AAK1: variants seen among roughly 807,000 people sequenced by gnomAD.
AAK1 encodes AP2-associated protein kinase 1.
In AAK1, 37 loss-of-function variants were observed where a neutral mutation model predicts 116.0. That is an observed-to-expected ratio of 0.32 (90% CI 0.25 to 0.42). The LOEUF is 0.42. Among genes scored for constraint, AAK1 ranks in the 10% least tolerant of loss-of-function variants. The pLI is 1.00. For synonymous variants in AAK1, 458 were observed against 439.9 expected (o/e 1.04, Z -0.51); for missense variants, 919 against 1,170.6 (o/e 0.79, Z 3.14).
At chr2:69,601,541 T>C (rs1240393501) in intron 2 of AAK1, among the ~76,000 whole-genome samples, 1 of 152,206 alleles carries the variant, frequency 6.6e-6, no homozygotes, top group East Asian at 1.9e-4. Context: ...GGTGGACCCA[T>C]CTTGAGCCCT....
At chr2:69,530,594 C>T in intron 7 of AAK1, 31 bp downstream of exon 7, 1 of 1,564,888 alleles carries the variant, frequency 6.4e-7, no homozygotes, top group South Asian at 1.1e-5. Flanking sequence ...CTGCTGCTAT[C>T]TGAGGTATGG....
At chr2:69,513,416 T>C (rs1676464821) in intron 13 of AAK1, among the ~76,000 whole-genome samples, 1 of 151,930 alleles carries the variant, frequency 6.6e-6, no homozygotes. Flanking sequence ...ACCTCCCGGG[T>C]TCACGCCATT....
intron 11 of AAK1, among the ~76,000 whole-genome samples, chr2:69,520,350 ATTCTT>A (rs1330009604): frequency 6.7e-6 from 1 of 148,604 alleles, no homozygotes; most frequent in Non-Finnish European, 1.5e-5. Flanking sequence ...TTGCGATACA[ATTCTT>A]TTCTTTTTTT....
intron 2 of AAK1, among the ~76,000 whole-genome samples, chr2:69,632,829 C>T (rs577663568): frequency 3.3e-5 from 5 of 151,808 alleles, no homozygotes; most frequent in Non-Finnish European, 5.9e-5. Context: ...GTCGGGAGAT[C>T]GAGACCGTCC....
chr2:69,599,800 C>T (rs564728614), intron 2 of AAK1, among the ~76,000 whole-genome samples: 5 of 152,138 alleles, frequency 3.3e-5, no homozygotes, highest in Admixed American at 2.0e-4. Flanking sequence ...TGTTTTGAAA[C>T]GGGGTCTCAC....
At chr2:69,614,344 G>C (rs564993146) in intron 2 of AAK1, among the ~76,000 whole-genome samples, 10 of 152,248 alleles carry the variant, frequency 6.6e-5, no homozygotes, top group African/African-American at 2.4e-4. Context: ...GTCACACAGG[G>C]ACAGGTGTAA....
Position 69,464,110 on chromosome 2 carries a change from C to A in AAK1, c.*11759G>T, listed in dbSNP as rs1443490666. ...GAGAATGTAAAAGTTTTCATGCCTA[C>A]CTGATTCAGCTCTTTTCCATTCTCC... On this transcript the variant is annotated 3_prime_UTR_variant, in exon 22 of 22. Transcript: ENST00000409085. 6.6e-6 allele frequency: 1 copy of A among 152,552 alleles called. No individual in the cohort carries two copies. Among genetic ancestry groups the A allele is most frequent in the South Asian group, 2.1e-4 (1 of 4,830 alleles). The allele number at this position is 152,552 out of a possible 1,614,324, so 9.4% of individuals were successfully genotyped here. A position where few individuals can be genotyped will look rare whatever the true frequency, so the allele number is the denominator to read the frequency against.
At chr2:69,639,686 G>A (rs181227491) in intron 2 of AAK1, among the ~76,000 whole-genome samples, 5 of 152,232 alleles carry the variant, frequency 3.3e-5, no homozygotes, top group East Asian at 1.9e-4. Context: ...GATCATCAGC[G>A]GAATGTGGTG....
At chr2:69,550,264 G>T (rs1304492487) in intron 3 of AAK1, among the ~76,000 whole-genome samples, 3 of 152,098 alleles carry the variant, frequency 2.0e-5, no homozygotes, top group Non-Finnish European at 4.4e-5. Flanking sequence ...AAGGCTCTCT[G>T]GACCTCTGCT....
chr2:69,489,344 G>A (rs1235827495), intron 17 of AAK1, among the ~76,000 whole-genome samples: 6 of 151,844 alleles, frequency 4.0e-5, no homozygotes, highest in African/African-American at 1.2e-4. Context: ...TGAGCTACTC[G>A]GGGGGCTGAG....
At position 69,475,511 on chromosome 2, in the gene AAK1, A is replaced by C; in HGVS notation, c.*358T>G. On this transcript the variant is annotated 3_prime_UTR_variant, in exon 22 of 22. Coordinates refer to ENST00000409085, the MANE Select transcript of AAK1 (RefSeq NM_014911.5). ...ATCTGGGAGGCCATTCCTAGCAAGA[A>C]CGAGACAAAAGTGTCAATTCACTAG... 9.7e-7 allele frequency: 1 copy of C among 1,035,368 alleles called. No individual in the cohort carries two copies. The highest frequency in any genetic ancestry group is 4.0e-5 in the South Asian group (1 of 25,236). The allele number at this position is 1,035,368 out of a possible 1,614,324, so 64.1% of individuals were successfully genotyped here. A position where few individuals can be genotyped will look rare whatever the true frequency, so the allele number is the denominator to read the frequency against.
chr2:69,530,263 T>C (rs1280774946), intron 7 of AAK1, 123 bp from the exon 8 acceptor site: 8 of 1,029,502 alleles, frequency 7.8e-6, no homozygotes, highest in Non-Finnish European at 9.5e-6. Context: ...ACTATTAATG[T>C]ATTAGAAACA....
At chr2:69,554,887 G>C (rs1170982815) in intron 3 of AAK1, among the ~76,000 whole-genome samples, 1 of 152,226 alleles carries the variant, frequency 6.6e-6, no homozygotes, top group Non-Finnish European at 1.5e-5. Flanking sequence ...ACTTGAACCT[G>C]TGTGATTTAA....
intron 2 of AAK1, among the ~76,000 whole-genome samples, chr2:69,571,834 C>G (rs1051706577): frequency 6.6e-6 from 1 of 152,160 alleles, no homozygotes; most frequent in African/African-American, 2.4e-5. Context: ...CTTTCTTGAG[C>G]TGACGGATCA....
chr2:69,594,618 G>A (rs1273745978), intron 2 of AAK1: 5 of 506,802 alleles, frequency 9.9e-6, no homozygotes, highest in African/African-American at 1.9e-5. Context: ...CCGAAAGTGA[G>A]GCCTCTTGTA....
chr2:69,541,430 C>T (rs1670718988), intron 5 of AAK1, among the ~76,000 whole-genome samples: 1 of 152,000 alleles, frequency 6.6e-6, no homozygotes, highest in Admixed American at 6.6e-5. Flanking sequence ...CGTGGTTTCG[C>T]CATGTTGGCC....
At chr2:69,486,319 T>C (rs921239579) in intron 17 of AAK1, among the ~76,000 whole-genome samples, 3 of 152,092 alleles carry the variant, frequency 2.0e-5, no homozygotes, top group African/African-American at 7.2e-5. Flanking sequence ...GGTAAAGAAG[T>C]ACATGAGTGT....
Position 69,619,898 on chromosome 2 carries a change from G to C in AAK1, c.163+22980C>G, listed in dbSNP as rs146134547. ...AAGAGTAAAATAAGAATGCAGAGAGGAAACGGTGGGGCAGAGCATAGCACT... is the reference window on the plus strand; with the variant it reads ...AAGAGTAAAATAAGAATGCAGAGAGCAAACGGTGGGGCAGAGCATAGCACT... On this transcript the variant is annotated intron_variant, in intron 2 of 21. Coordinates refer to ENST00000409085, the MANE Select transcript of AAK1 (RefSeq NM_014911.5). Among the ~76,000 whole-genome samples the C allele has an allele frequency of 1.9e-3, 294 of 152,260 alleles. 1 individual carries two copies. Among genetic ancestry groups the C allele is most frequent in the African/African-American group, 6.8e-3 (283 of 41,552 alleles).
At chr2:69,552,766 T>A (rs747879388) in intron 3 of AAK1, among the ~76,000 whole-genome samples, 1 of 151,684 alleles carries the variant, frequency 6.6e-6, no homozygotes. Context: ...TGTAAGACTA[T>A]AAAACTTAAA....
Sources: gnomAD v4.1 joint callset for allele counts (sites outside exome capture counted in the v4.1 genomes callset) on GRCh38, gnomAD v4.1.1 for gene constraint, MANE v1.5 for transcripts, NCBI Gene and HGNC (gene_info 2026-07-23, HGNC 2026-07-21) for gene names.